The following CHD1 variants were observed in gnomAD, a reference collection of about 807,000 sequenced individuals.
The protein encoded by CHD1 is ATP-dependent chromatin remodeler CHD1.
Under a neutral mutation model 224.2 loss-of-function variants are expected in CHD1, and 36 were observed. The ratio of observed to expected loss-of-function variants is 0.16; its 90% CI spans 0.12 to 0.21. The LOEUF (loss-of-function observed/expected upper bound fraction) is 0.21. Ranked by LOEUF, CHD1 falls within the 10% of genes least tolerant of loss-of-function variation. The pLI is 1.00. For synonymous variants in CHD1, 668 were observed against 658.3 expected (o/e 1.01, Z -0.23); for missense variants, 1,378 against 1,994.8 (o/e 0.69, Z 5.89).
In CHD1 at chr5:98,882,162, A is replaced by G. The variant is rs755815603; in HGVS notation, c.2719-39T>C. 2.1e-5 allele frequency: 33 copies of G among 1,581,472 alleles called. No individual in the cohort carries two copies. In the African/African-American group the frequency reaches 4.0e-4, roughly 19 times the overall value. ...CATGAGGAAACAAATTGCAGTATAA[A>G]GGATTTGTTTTGCTAACCTCAAGTG... is the stretch of plus-strand genomic sequence containing the variant. On this transcript the variant is annotated intron_variant, in intron 19 of 35. Coordinates refer to ENST00000614616, the MANE Select transcript of CHD1 (RefSeq NM_001270.4).
chr5:98,887,196 A>T (rs1750707763), intron 17 of CHD1, among the ~76,000 whole-genome samples: 1 of 152,098 alleles, frequency 6.6e-6, no homozygotes, highest in African/African-American at 2.4e-5. Flanking sequence ...AACTAATGGT[A>T]CTCTTCTACG....
intron 2 of CHD1, among the ~76,000 whole-genome samples, chr5:98,925,015 A>T (rs1484328650): frequency 2.0e-5 from 3 of 151,896 alleles, no homozygotes; most frequent in African/African-American, 7.3e-5. Context: ...CAAGTTTCAG[A>T]TCAAATACAA....
chr5:98,881,250 GC>G (rs751991211), intron 21 of CHD1, 28 bp downstream of exon 21: 6 of 1,056,734 alleles, frequency 5.7e-6, no homozygotes, highest in South Asian at 3.2e-5. Flanking sequence ...TCTGAGGCAG[GC>G]CTTTTTTTTT....
At position 98,893,611 on chromosome 5, in the gene CHD1, A is replaced by T; in HGVS notation, c.1801-5T>A. ...ATTTAGACCTCCAAGGAATGCCTTA[A>T]AATAATAGAAAAACAGTATTTTGAG... On this transcript the variant is annotated splice_polypyrimidine_tract_variant and splice_region_variant and intron_variant, in intron 13 of 35. Coordinates refer to ENST00000614616, the MANE Select transcript of CHD1 (RefSeq NM_001270.4). 1 of 1,537,618 alleles carries T rather than the reference A, an allele frequency of 6.5e-7. No individual in the cohort carries two copies. The highest frequency in any genetic ancestry group is 8.8e-7 in the Non-Finnish European group (1 of 1,141,458).
chr5:98,928,273 C>A (rs534410123), intron 1 of CHD1, among the ~76,000 whole-genome samples: 1 of 152,198 alleles, frequency 6.6e-6, no homozygotes, highest in Non-Finnish European at 1.5e-5. Flanking sequence ...GGTCTCCTCT[C>A]GCGGCCCGGT....
intron 31 of CHD1, among the ~76,000 whole-genome samples, chr5:98,864,526 A>AG (rs1748715346): frequency 7.5e-6 from 1 of 133,434 alleles, no homozygotes; most frequent in Admixed American, 7.1e-5. Context: ...CCAAAAAAAA[A>AG]AAAAAAAAAA....
At chr5:98,871,062 T>A (rs2617516) in intron 28 of CHD1, among the ~76,000 whole-genome samples, 1,794 of 152,166 alleles carry the variant, frequency 0.012, 30 homozygotes, top group African/African-American at 0.041. Flanking sequence ...AGCATAAGGT[T>A]GTAAATTTCC....
chr5:98,901,304 G>T lies in CHD1; in HGVS notation c.469C>A (p.Pro157Thr), dbSNP rs1751692661. 1 of 1,612,500 alleles carries T rather than the reference G, an allele frequency of 6.2e-7. No individual in the cohort carries two copies. The highest frequency in any genetic ancestry group is 8.5e-7 in the Non-Finnish European group (1 of 1,179,656). Residue 157 changes from proline to threonine, a missense_variant, in exon 6 of 36, where the codon CCA (proline) becomes ACA (threonine). Coordinates refer to ENST00000614616, the MANE Select transcript of CHD1 (RefSeq NM_001270.4). ...EDWQMSGSGS[P>T]SQSGSDSESE... ...TCTGAATCTGAACCAGACTGAGATG[G>T]AGATCCTGACCCAGACATTTGCCAA... is the stretch of plus-strand genomic sequence containing the variant.
intron 2 of CHD1, among the ~76,000 whole-genome samples, chr5:98,923,769 G>A (rs1282958936): frequency 2.0e-5 from 3 of 151,910 alleles, no homozygotes; most frequent in Non-Finnish European, 4.4e-5. Flanking sequence ...ACTCCTCCTC[G>A]CTTTAGATAT....
Position 98,905,113 on chromosome 5 carries a change from T to A in CHD1, c.54-15A>T. ...CATCCGACTGGCTATAATTTGAAAA[T>A]AAACAATTTCAAACAAAATTCATTA... is the stretch of plus-strand genomic sequence containing the variant. On this transcript the variant is annotated splice_polypyrimidine_tract_variant and intron_variant, in intron 2 of 35. Transcript: ENST00000614616. 6.2e-7 allele frequency: 1 copy of A among 1,612,288 alleles called. No homozygotes were observed. The highest frequency in any genetic ancestry group is 8.5e-7 in the Non-Finnish European group (1 of 1,178,864).
At chr5:98,887,705 T>C (rs1307240312) in intron 17 of CHD1, among the ~76,000 whole-genome samples, 1 of 152,136 alleles carries the variant, frequency 6.6e-6, no homozygotes, top group African/African-American at 2.4e-5. Context: ...CATCAGAATC[T>C]TGGCAGCATT....
chr5:98,896,190 C>T (rs746056427), intron 12 of CHD1, 36 bp downstream of exon 12: 77 of 1,525,364 alleles, frequency 5.0e-5, no homozygotes, highest in Middle Eastern at 1.7e-4. Context: ...AAGACAAGTA[C>T]ATTTTGATTT....
At chr5:98,874,538 A>T (rs888051986) in intron 25 of CHD1, among the ~76,000 whole-genome samples, 4 of 27,848 alleles carry the variant, frequency 1.4e-4, no homozygotes, top group Non-Finnish European at 2.6e-4. Flanking sequence ...CGTCTCTACT[A>T]AAAAAAAAAA....
In CHD1 at chr5:98,898,243, A is replaced by T. The variant is rs1751471070; in HGVS notation, c.1365+13T>A. On this transcript the variant is annotated intron_variant, in intron 10 of 35. Coordinates refer to ENST00000614616, the MANE Select transcript of CHD1 (RefSeq NM_001270.4). ...TATATTTTTAATAATTTAAAATGTT[A>T]GACAATACTCACTTTGCAATCTTTA... 1.4e-6 allele frequency: 2 copies of T among 1,400,212 alleles called. No individual in the cohort carries two copies. The highest frequency in any genetic ancestry group is 1.9e-6 in the Non-Finnish European group (2 of 1,050,082). The allele number at this position is 1,400,212 out of a possible 1,614,324, so 86.7% of individuals were successfully genotyped here.
chr5:98,868,275 C>T (rs775038880), intron 31 of CHD1, among the ~76,000 whole-genome samples: 5 of 147,980 alleles, frequency 3.4e-5, no homozygotes, highest in Non-Finnish European at 7.4e-5. Context: ...CGCAATGGGC[C>T]GTGACTGCAC....
At position 98,876,387 on chromosome 5, in the gene CHD1, T is replaced by C. The variant is rs182282387; in HGVS notation, c.3398+11A>G. The C allele has an allele frequency of 6.9e-5, 112 of 1,613,122 alleles. No individual in the cohort carries two copies. In the Admixed American group the frequency reaches 1.4e-3, roughly 20 times the overall value. ...AAACCAAGTTGAAGCGATTGTCTTATAACACCTTACCGCCTAATTTCTGCA... is the reference window on the plus strand; with the variant it reads ...AAACCAAGTTGAAGCGATTGTCTTACAACACCTTACCGCCTAATTTCTGCA... On this transcript the variant is annotated intron_variant, in intron 24 of 35. Transcript: ENST00000614616.
intron 32 of CHD1, among the ~76,000 whole-genome samples, chr5:98,862,519 G>C (rs1276283581): frequency 6.6e-6 from 1 of 152,124 alleles, no homozygotes; most frequent in Non-Finnish European, 1.5e-5. Context: ...GTACCTATTT[G>C]TATTAGTCAC....
At chr5:98,918,979 T>C (rs1458006014) in intron 2 of CHD1, among the ~76,000 whole-genome samples, 1 of 152,202 alleles carries the variant, frequency 6.6e-6, no homozygotes, top group Non-Finnish European at 1.5e-5. Flanking sequence ...AATTTGAATA[T>C]ACTCAATTGC....
At chr5:98,896,836 T>C (rs533190946) in intron 11 of CHD1, among the ~76,000 whole-genome samples, 16 of 125,956 alleles carry the variant, frequency 1.3e-4, no homozygotes, top group African/African-American at 4.7e-4. Context: ...TTCACAAAAG[T>C]AGAGTGGGGG....
Sources: allele counts gnomAD v4.1 joint callset (sites outside exome capture counted in the v4.1 genomes callset), GRCh38; gene constraint gnomAD v4.1.1; transcripts MANE v1.5; gene names NCBI Gene and HGNC (gene_info 2026-07-23, HGNC 2026-07-21).